ATP6V0D2: variants seen among roughly 807,000 people sequenced by gnomAD.
ATP6V0D2 encodes ATPase H+ transporting V0 subunit d2.
In ATP6V0D2, 40 loss-of-function variants were observed where a neutral mutation model predicts 40.0. That is an observed-to-expected ratio of 1.00 (90% CI 0.78 to 1.30). ATP6V0D2 has a LOEUF of 1.30. ATP6V0D2 is among the 50% of genes most tolerant of loss of function. ATP6V0D2 has a pLI of 0.00. For missense variants in ATP6V0D2, 470 were observed against 423.1 expected (o/e 1.11, Z -0.97); for synonymous variants, 179 against 156.3 (o/e 1.15, Z -1.08).
At chr8:86,128,860 ACAC>A (rs1427039406) in intron 2 of ATP6V0D2, among the ~76,000 whole-genome samples, 2 of 152,186 alleles carry the variant, frequency 1.3e-5, no homozygotes, top group Middle Eastern at 3.2e-3. Flanking sequence ...TCTTGTCTTC[ACAC>A]CACAACTGAC....
chr8:86,120,716 G>A (rs1359452202), intron 2 of ATP6V0D2, among the ~76,000 whole-genome samples: 2 of 152,120 alleles, frequency 1.3e-5, no homozygotes, highest in African/African-American at 4.8e-5. Context: ...CTGCAAAACA[G>A]GTGTTTATAT....
At chr8:86,105,943 C>T (rs1818466004) in intron 1 of ATP6V0D2, among the ~76,000 whole-genome samples, 1 of 151,888 alleles carries the variant, frequency 6.6e-6, no homozygotes, top group Non-Finnish European at 1.5e-5. Context: ...GCAGAAAGTA[C>T]ACCTTAAACT....
Position 86,139,485 on chromosome 8 carries a change from C to A in ATP6V0D2, c.331C>A (p.Leu111Met). ...CAGTTATATGATAGACAATGTGATT[C>A]TGCTGATGAATGGTGCATTGCAGAA... Reference protein sequence around the residue: ...TCSYMIDNVILLMNGALQKKS... With the variant: ...TCSYMIDNVIMLMNGALQKKS... The change falls in exon 3 of 8, where the codon CTG becomes ATG. Residue 111 changes from leucine to methionine, a missense_variant. Coordinates refer to ENST00000285393, the MANE Select transcript of ATP6V0D2 (RefSeq NM_152565.1). 1 of 1,612,138 alleles carries A rather than the reference C, an allele frequency of 6.2e-7. No individual in the cohort carries two copies. Among genetic ancestry groups the A allele is most frequent in the Non-Finnish European group, 8.5e-7 (1 of 1,179,310 alleles).
intron 2 of ATP6V0D2, 137 bp downstream of exon 2, chr8:86,114,017 T>C: frequency 1.3e-6 from 1 of 781,078 alleles, no homozygotes. Flanking sequence ...CATTCACATT[T>C]TAGCAACTGA....
chr8:86,145,257 GAAA>G (rs1819041827), intron 5 of ATP6V0D2, among the ~76,000 whole-genome samples: 1 of 47,532 alleles, frequency 2.1e-5, no homozygotes, highest in Non-Finnish European at 4.0e-5. Flanking sequence ...GAGAGAGAGA[GAAA>G]GAAAGAAAGA....
At chr8:86,123,196 G>A (rs941320220) in intron 2 of ATP6V0D2, among the ~76,000 whole-genome samples, 4 of 152,110 alleles carry the variant, frequency 2.6e-5, no homozygotes, top group Admixed American at 1.3e-4. Context: ...GGATTATTGT[G>A]CATGTAGTAC....
At chr8:86,122,747 TAGAG>T (rs1323618669) in intron 2 of ATP6V0D2, among the ~76,000 whole-genome samples, 4 of 152,168 alleles carry the variant, frequency 2.6e-5, no homozygotes, top group African/African-American at 9.7e-5. Flanking sequence ...AATGATTCTG[TAGAG>T]AAAGTAGAAT....
chr8:86,120,157 G>T (rs1264317201), intron 2 of ATP6V0D2, among the ~76,000 whole-genome samples: 1 of 152,158 alleles, frequency 6.6e-6, no homozygotes. Context: ...CAGCACTTTG[G>T]GAGGCCAAGG....
intron 1 of ATP6V0D2, among the ~76,000 whole-genome samples, chr8:86,101,877 AACT>A (rs1818403720): frequency 2.0e-5 from 3 of 152,142 alleles, no homozygotes; most frequent in African/African-American, 7.2e-5. Flanking sequence ...CCCAATTCTC[AACT>A]ACATTTGAAT....
chr8:86,126,217 G>A (rs1006089973), intron 2 of ATP6V0D2, among the ~76,000 whole-genome samples: 7 of 87,584 alleles, frequency 8.0e-5, no homozygotes, highest in South Asian at 4.1e-4. Flanking sequence ...GATTATAGGC[G>A]TGAACTACCG....
At chr8:86,106,396 A>G (rs572575806) in intron 1 of ATP6V0D2, among the ~76,000 whole-genome samples, 48 of 152,176 alleles carry the variant, frequency 3.2e-4, no homozygotes, top group African/African-American at 1.2e-3. Context: ...GCCTCCCAAA[A>G]TGCTGGGATT....
At position 86,100,293 on chromosome 8, in the gene ATP6V0D2, A is replaced by AAGTATG. The variant is rs556049466; in HGVS notation, c.130+1185_130+1186insAGTATG. On this transcript the variant is annotated intron_variant, in intron 1 of 7. Coordinates refer to ENST00000285393, the MANE Select transcript of ATP6V0D2 (RefSeq NM_152565.1). ...TTATTAAAAACAGCTACACTCACTGATTTTGAAACATACTTACAAAACCCA... is the reference window on the plus strand; with the variant it reads ...TTATTAAAAACAGCTACACTCACTGAAGTATGTTTTGAAACATACTTACAAAACCCA... Among the ~76,000 whole-genome samples the AAGTATG allele has an allele frequency of 4.4e-3, 667 of 152,290 alleles. 3 individuals are homozygous for AAGTATG. Among genetic ancestry groups the AAGTATG allele is most frequent in the African/African-American group, 0.015 (628 of 41,574 alleles).
intron 1 of ATP6V0D2, among the ~76,000 whole-genome samples, chr8:86,104,835 C>T (rs1818448691): frequency 1.0e-5 from 1 of 99,922 alleles, no homozygotes; most frequent in Admixed American, 9.9e-5. Context: ...CCAATTCTCT[C>T]CTGTTTAAAA....
At position 86,151,449 on chromosome 8, in the gene ATP6V0D2, ATG is replaced by A. The variant is rs1308903626; in HGVS notation, c.817-15_817-14del. 7.2e-6 allele frequency: 11 copies of A among 1,532,270 alleles called. No individual in the cohort carries two copies. Among genetic ancestry groups the A allele is most frequent in the Non-Finnish European group, 8.0e-6 (9 of 1,123,090 alleles). The allele number at this position is 1,532,270 out of a possible 1,614,324, so 94.9% of individuals were successfully genotyped here. On this transcript the variant is annotated splice_polypyrimidine_tract_variant and intron_variant, in intron 6 of 7. Coordinates refer to ENST00000285393, the MANE Select transcript of ATP6V0D2 (RefSeq NM_152565.1). ...AGAAATGAAAATGTCTTTAAAATTA[ATG>A]TCTTTGTTTTTAAGGTATACAAACC... is the stretch of plus-strand genomic sequence containing the variant.
chr8:86,110,806 T>G (rs1818520594), intron 1 of ATP6V0D2, among the ~76,000 whole-genome samples: 1 of 152,072 alleles, frequency 6.6e-6, no homozygotes, highest in African/African-American at 2.4e-5. Context: ...ACATTAAAAA[T>G]TTGAGGGACT....
At chr8:86,119,280 G>A (rs1818637469) in intron 2 of ATP6V0D2, among the ~76,000 whole-genome samples, 1 of 134,530 alleles carries the variant, frequency 7.4e-6, no homozygotes, top group African/African-American at 2.8e-5. Context: ...CCAGGCTATA[G>A]TGCAGTGGCG....
chr8:86,116,841 A>G (rs912412598), intron 2 of ATP6V0D2, among the ~76,000 whole-genome samples: 7 of 152,220 alleles, frequency 4.6e-5, no homozygotes, highest in African/African-American at 1.7e-4. Context: ...ACCCCCTACA[A>G]CAACCTGTGG....
At chr8:86,149,444 C>A (rs1819113671) in intron 5 of ATP6V0D2, among the ~76,000 whole-genome samples, 1 of 152,208 alleles carries the variant, frequency 6.6e-6, no homozygotes, top group African/African-American at 2.4e-5. Flanking sequence ...TGTTGACCTA[C>A]CTGGAAGATC....
chr8:86,151,653 A>G, intron 7 of ATP6V0D2, 113 bp downstream of exon 7: 1 of 753,388 alleles, frequency 1.3e-6, no homozygotes. Context: ...GATTAGGCAC[A>G]TTCATAGCTT....
Sources: gnomAD v4.1 joint callset for allele counts (sites outside exome capture counted in the v4.1 genomes callset) on GRCh38, gnomAD v4.1.1 for gene constraint, MANE v1.5 for transcripts, NCBI Gene and HGNC (gene_info 2026-07-23, HGNC 2026-07-21) for gene names.